Variants in INTS2 observed in about 807,000 individuals in gnomAD.
INTS2 encodes KIAA1287.
Under a neutral mutation model 139.6 loss-of-function variants are expected in INTS2, and 57 were observed. The observed-to-expected ratio is 0.41, with a 90% CI of 0.33 to 0.51. The LOEUF is 0.51. Among genes scored for constraint, INTS2 ranks in the 20% least tolerant of loss-of-function variants. The pLI is 0.28. For missense variants in INTS2, 1,196 were observed against 1,436.7 expected (o/e 0.83, Z 2.71); for synonymous variants, 473 against 493.4 (o/e 0.96, Z 0.55).
chr17:61,889,182 G>A (rs2079263744), intron 15 of INTS2, among the ~76,000 whole-genome samples: 1 of 151,774 alleles, frequency 6.6e-6, no homozygotes, highest in South Asian at 2.1e-4. Context: ...CCGCCTCTGG[G>A]TTCAAGGGAT....
At position 61,927,859 on chromosome 17, in the gene INTS2, G is replaced by A; in HGVS notation, c.-224C>T. 9.3e-6 allele frequency: 15 copies of A among 1,613,830 alleles called. No homozygotes were observed. The highest frequency in any genetic ancestry group is 1.3e-5 in the Non-Finnish European group (15 of 1,179,820). ...GTTGTCGATACAAAGTGGGAAGGAT[G>A]GGGGCACCACACAAAGGCAGAACCG... On this transcript the variant is annotated 5_prime_UTR_variant, in exon 1 of 25. Coordinates refer to ENST00000251334, the MANE Select transcript of INTS2 (RefSeq NM_001351695.2).
rs375818761 is a variant in INTS2, at chr17:61,927,893, G to A, written c.-258C>T. ...ACACAAAGGCAGAACCGGGACTGTA[G>A]GAACGGAAAAGCGGGAGACTTTTTC... On this transcript the variant is annotated 5_prime_UTR_variant, in exon 1 of 25. Coordinates refer to ENST00000251334, the MANE Select transcript of INTS2 (RefSeq NM_001351695.2). 17 of 1,611,578 alleles carry A rather than the reference G, an allele frequency of 1.1e-5. No individual in the cohort carries two copies. In the South Asian group the frequency reaches 1.3e-4, roughly 12 times the overall value.
intron 13 of INTS2, among the ~76,000 whole-genome samples, chr17:61,892,023 G>T (rs2079300310): frequency 6.6e-6 from 1 of 152,096 alleles, no homozygotes. Context: ...GCTCACGTTA[G>T]ATAGGAATTT....
intron 5 of INTS2, among the ~76,000 whole-genome samples, chr17:61,915,248 G>C (rs570562791): frequency 5.6e-4 from 85 of 151,928 alleles, no homozygotes; most frequent in African/African-American, 2.0e-3. Flanking sequence ...TGAGACAGGA[G>C]AATCGCTTGA....
At position 61,869,459 on chromosome 17, in the gene INTS2, T is replaced by C; in HGVS notation, c.3031-79A>G. 2.7e-6 allele frequency: 3 copies of C among 1,107,852 alleles called. No homozygotes were observed. The highest frequency in any genetic ancestry group is 3.9e-6 in the Non-Finnish European group (3 of 764,398). 68.6% of individuals were successfully genotyped at this position (1,107,852 alleles called of 1,614,324 possible). A position where few individuals can be genotyped will look rare whatever the true frequency, so the allele number is the denominator to read the frequency against. On this transcript the variant is annotated intron_variant, in intron 21 of 24. Coordinates refer to ENST00000251334, the MANE Select transcript of INTS2 (RefSeq NM_001351695.2). The surrounding 1 kb of genome is among the most constrained non-coding windows in gnomAD (Gnocchi z 5.4). ...CAGATAAAAATACAAATGAAAGATT[T>C]CATTTCCTTTCTGTAAAAATTGCTC... is the stretch of plus-strand genomic sequence containing the variant.
chr17:61,898,770 C>T (rs1191773197), intron 9 of INTS2, among the ~76,000 whole-genome samples: 1 of 152,146 alleles, frequency 6.6e-6, no homozygotes, highest in African/African-American at 2.4e-5. Flanking sequence ...TCTGCCACCA[C>T]ACCTGGCTAA....
chr17:61,902,673 A>C (rs2143050875), intron 9 of INTS2, among the ~76,000 whole-genome samples: 2 of 151,968 alleles, frequency 1.3e-5, no homozygotes, highest in Non-Finnish European at 2.9e-5. Flanking sequence ...CATGAGTTTC[A>C]GACTAGCCTG....
chr17:61,917,426 C>A (rs1355832869), intron 5 of INTS2, among the ~76,000 whole-genome samples: 1 of 152,178 alleles, frequency 6.6e-6, no homozygotes, highest in Non-Finnish European at 1.5e-5. Context: ...TACATATATA[C>A]CATGAAATAC....
Position 61,868,099 on chromosome 17 carries a change from C to A in INTS2, c.3245-90G>T. On this transcript the variant is annotated intron_variant, in intron 23 of 24. Transcript: ENST00000251334. The surrounding 1 kb of genome is among the most constrained non-coding windows in gnomAD (Gnocchi z 4.7). The stretch of plus-strand genomic sequence containing the variant: ...ATACTAAGGGGAACTATGCTCTGTG[C>A]TGGAGATATGAAGTTCTCTAAACAC... 9.3e-7 allele frequency: 1 copy of A among 1,074,384 alleles called. No individual in the cohort carries two copies. The highest frequency in any genetic ancestry group is 2.8e-5 in the East Asian group (1 of 35,752). The allele number at this position is 1,074,384 out of a possible 1,614,324, so 66.6% of individuals were successfully genotyped here. A position where few individuals can be genotyped will look rare whatever the true frequency, so the allele number is the denominator to read the frequency against.
rs534655240 is a variant in INTS2, at chr17:61,872,731, G to A, written c.2583-271C>T. 5.3e-5 allele frequency among the ~76,000 whole-genome samples: 8 copies of A among 151,876 alleles called. No individual in the cohort carries two copies. Among genetic ancestry groups the A allele is most frequent in the Non-Finnish European group, 7.4e-5 (5 of 67,990 alleles). ...TTCTAAAGAAAAGATGACCGGGTGC[G>A]GGCAAAACAATATTGCATGAAGAAA... On this transcript the variant is annotated intron_variant, in intron 19 of 24. Coordinates refer to ENST00000251334, the MANE Select transcript of INTS2 (RefSeq NM_001351695.2). This position sits in a 1 kb window ranked among gnomAD's most constrained non-coding sequence, Gnocchi z 4.8.
chr17:61,896,292 GATA>G (rs2079348969), intron 11 of INTS2, among the ~76,000 whole-genome samples: 2 of 146,226 alleles, frequency 1.4e-5, no homozygotes, highest in South Asian at 4.5e-4. Flanking sequence ...AAATAATAAT[GATA>G]ATAATTTCCA....
Position 61,897,459 on chromosome 17 carries a change from A to T in INTS2, c.1494+10T>A. 6.7e-7 allele frequency: 1 copy of T among 1,503,238 alleles called. No homozygotes were observed. The highest frequency in any genetic ancestry group is 8.9e-7 in the Non-Finnish European group (1 of 1,118,496). The allele number at this position is 1,503,238 out of a possible 1,614,324, so 93.1% of individuals were successfully genotyped here. A position where few individuals can be genotyped will look rare whatever the true frequency, so the allele number is the denominator to read the frequency against. ...TTTTTTTTTTTAGAAAGAAGTTAAA[A>T]GAAAATTACCTTCATCCCCAAAGTG... On this transcript the variant is annotated intron_variant, in intron 11 of 24. Coordinates refer to ENST00000251334, the MANE Select transcript of INTS2 (RefSeq NM_001351695.2). This position sits in a 1 kb window ranked among gnomAD's most constrained non-coding sequence, Gnocchi z 4.4.
rs773056065 is a variant in INTS2 at position 61,869,968 on chromosome 17, A to C, written c.2799T>G (p.Ile933Met). ...LAAQDSAAVQ[I>M]LLEICLPTEE... is the part of the protein sequence containing the mutation. Reference sequence around the variant, plus strand: ...CAGTAGGTAGGCAAATCTCTAAGAGAATCTGGACAGCTGCACTATCCTATA... The same window carrying C: ...CAGTAGGTAGGCAAATCTCTAAGAGCATCTGGACAGCTGCACTATCCTATA... Residue 933 changes from isoleucine (I) to methionine (M), a missense_variant, in exon 21 of 25, where the codon ATT becomes ATG. Physicochemically the swap from Ile to Met is conservative, Grantham distance 10 (BLOSUM62 1). Around this residue, in one of 3 missense-constraint regions of INTS2, gnomAD observed 1,129 missense variants for 1,341.9 expected, o/e 0.84. Transcript: ENST00000251334. The surrounding 1 kb of genome is among the most constrained non-coding windows in gnomAD (Gnocchi z 5.4). 6.2e-7 allele frequency: 1 copy of C among 1,613,616 alleles called. No individual in the cohort carries two copies. Among genetic ancestry groups the C allele is most frequent in the Non-Finnish European group, 8.5e-7 (1 of 1,179,748 alleles).
intron 14 of INTS2, among the ~76,000 whole-genome samples, chr17:61,890,345 T>C (rs1480308382): frequency 6.6e-6 from 1 of 152,178 alleles, no homozygotes; most frequent in Non-Finnish European, 1.5e-5. Flanking sequence ...GAGCAGTGGC[T>C]CATACCTGTA....
At chr17:61,918,131 G>C (rs1354925073) in intron 5 of INTS2, among the ~76,000 whole-genome samples, 2 of 152,122 alleles carry the variant, frequency 1.3e-5, no homozygotes, top group African/African-American at 4.8e-5. Flanking sequence ...AATCGGCAAG[G>C]ACACAGTTTA....
chr17:61,893,900 C>G lies in INTS2; in HGVS notation c.1564-1G>C, dbSNP rs1293905056. 1 of 1,545,536 alleles carries G rather than the reference C, an allele frequency of 6.5e-7. No individual in the cohort carries two copies. The highest frequency in any genetic ancestry group is 2.4e-5 in the East Asian group (1 of 41,578). On this transcript the variant is annotated splice_acceptor_variant, in intron 12 of 24. Coordinates refer to ENST00000251334, the MANE Select transcript of INTS2 (RefSeq NM_001351695.2). LOFTEE classifies it high-confidence loss of function. This position sits in a 1 kb window ranked among gnomAD's most constrained non-coding sequence, Gnocchi z 5.4. ...CCCGAACTGCATGAGCTGTGACAACCTAAAAGGGAAAAATAGCATTAGTAA... is the reference window on the plus strand; with the variant it reads ...CCCGAACTGCATGAGCTGTGACAACGTAAAAGGGAAAAATAGCATTAGTAA...
chr17:61,908,888 T>C (rs559660699), intron 7 of INTS2, among the ~76,000 whole-genome samples: 29 of 152,158 alleles, frequency 1.9e-4, no homozygotes, highest in African/African-American at 5.1e-4. Context: ...AGCTTAAAAA[T>C]AGACTACAGG....
intron 5 of INTS2, among the ~76,000 whole-genome samples, chr17:61,913,397 T>G (rs74935516): frequency 6.8e-6 from 1 of 146,188 alleles, no homozygotes; most frequent in Non-Finnish European, 1.5e-5. Context: ...AAAAAAAAAG[T>G]AGCCAGAGGG....
chr17:61,881,414 T>C (rs1195500597), intron 16 of INTS2, among the ~76,000 whole-genome samples: 2 of 152,082 alleles, frequency 1.3e-5, no homozygotes, highest in Non-Finnish European at 2.9e-5. Context: ...CTGGCCAACA[T>C]GGCAAAACCC....
Sources: allele counts gnomAD v4.1 joint callset (sites outside exome capture counted in the v4.1 genomes callset), GRCh38; gene constraint gnomAD v4.1.1; regional missense constraint gnomAD v4.1.1; non-coding constraint Gnocchi (gnomAD v3.1); transcripts MANE v1.5; gene names NCBI Gene and HGNC (gene_info 2026-07-23, HGNC 2026-07-21).